CDH13: variants seen among roughly 807,000 people sequenced by gnomAD.
CDH13 encodes the protein cadherin-13.
In CDH13, 24 loss-of-function variants were observed where a neutral mutation model predicts 63.8. The ratio of observed to expected loss-of-function variants is 0.38; its 90% CI spans 0.27 to 0.53. The LOEUF is 0.53. Ranked by LOEUF, CDH13 falls within the 20% of genes least tolerant of loss-of-function variation. The probability of loss-of-function intolerance (pLI) is 0.85; values close to 1 mark genes in which losing one functional copy is unlikely to be tolerated. For missense variants in CDH13, 1,049 were observed against 903.1 expected, an observed-to-expected ratio of 1.16 and a Z score of -2.07; for synonymous variants, 503 against 355.3, an observed-to-expected ratio of 1.42 and a Z score of -4.67.
At chr16:82,679,704 G>A (rs139030018) in intron 1 of CDH13, among the ~76,000 whole-genome samples, 118 of 152,252 alleles carry the variant, frequency 7.8e-4, no homozygotes, top group African/African-American at 2.7e-3. Flanking sequence ...AAATAGGGAC[G>A]TTAATACCAA....
At chr16:83,190,543 A>T (rs2038666249) in intron 4 of CDH13, among the ~76,000 whole-genome samples, 2 of 152,152 alleles carry the variant, frequency 1.3e-5, no homozygotes, top group African/African-American at 4.8e-5. Flanking sequence ...GGTACATATG[A>T]TGGCAAAATG....
At chr16:82,834,294 C>G (rs567648528) in intron 1 of CDH13, among the ~76,000 whole-genome samples, 1 of 152,128 alleles carries the variant, frequency 6.6e-6, no homozygotes, top group East Asian at 1.9e-4. Context: ...AATTCTTGGT[C>G]ATTTGTACTG....
chr16:83,404,340 C>G (rs936049407), intron 6 of CDH13, among the ~76,000 whole-genome samples: 1 of 152,210 alleles, frequency 6.6e-6, no homozygotes. Flanking sequence ...TCTGCCTGAC[C>G]TTGTTTCTTC....
rs531907188 is a variant in CDH13 at position 83,146,833 on chromosome 16, A to T, written c.483+21332A>T. Among the ~76,000 whole-genome samples, 29 of 152,346 alleles carry T rather than the reference A, an allele frequency of 1.9e-4. No individual in the cohort carries two copies. In the South Asian group the frequency reaches 5.6e-3, roughly 29 times the overall value. ...CCAAGCATGGTGGCTCACGCCTGTA[A>T]TTCCAGCAGTTTGGAAGGCCAAGGC... On this transcript the variant is annotated intron_variant, in intron 4 of 13. Transcript: ENST00000567109.
intron 2 of CDH13, among the ~76,000 whole-genome samples, chr16:82,890,511 C>G (rs775312537): frequency 2.9e-4 from 44 of 152,176 alleles, no homozygotes; most frequent in African/African-American, 1.0e-3. Flanking sequence ...ATGGAGTCAT[C>G]AACAGATGAA....
At chr16:83,276,260 G>C (rs1019679629) in intron 5 of CDH13, among the ~76,000 whole-genome samples, 1 of 151,928 alleles carries the variant, frequency 6.6e-6, no homozygotes, top group African/African-American at 2.4e-5. Flanking sequence ...TTTGGTCCTA[G>C]CCCTATCCAT....
chr16:82,908,699 C>T (rs1015688242), intron 2 of CDH13, among the ~76,000 whole-genome samples: 9 of 152,162 alleles, frequency 5.9e-5, no homozygotes, highest in Admixed American at 5.9e-4. Flanking sequence ...AATCACCCCT[C>T]GGTATCTGTG....
At chr16:83,008,432 G>C (rs1022660785) in intron 2 of CDH13, among the ~76,000 whole-genome samples, 12 of 152,210 alleles carry the variant, frequency 7.9e-5, no homozygotes, top group Admixed American at 5.2e-4. Context: ...GGCGGAGAAT[G>C]CCTGGGGGAT....
At chr16:82,934,588 C>A (rs1383801556) in intron 2 of CDH13, among the ~76,000 whole-genome samples, 1 of 152,106 alleles carries the variant, frequency 6.6e-6, no homozygotes, top group Admixed American at 6.5e-5. Flanking sequence ...ATGGGTTTTT[C>A]TTTTCTATTG....
chr16:83,700,181 G>C (rs556534681), intron 10 of CDH13, among the ~76,000 whole-genome samples: 2 of 152,142 alleles, frequency 1.3e-5, no homozygotes, highest in Non-Finnish European at 2.9e-5. Flanking sequence ...GAATCATAAA[G>C]TATGCCCTCT....
intron 4 of CDH13, among the ~76,000 whole-genome samples, chr16:83,143,882 T>A (rs1348395456): frequency 6.6e-6 from 1 of 152,030 alleles, no homozygotes; most frequent in Non-Finnish European, 1.5e-5. Flanking sequence ...GAAGTTGATG[T>A]CGGCTGGGAA....
intron 5 of CDH13, among the ~76,000 whole-genome samples, chr16:83,245,367 A>G (rs562059628): frequency 1.3e-5 from 2 of 152,342 alleles, no homozygotes; most frequent in East Asian, 3.9e-4. Context: ...AGGACAGTTT[A>G]AAAATTTATG....
intron 5 of CDH13, among the ~76,000 whole-genome samples, chr16:83,279,772 CT>C (rs1283939519): frequency 6.6e-6 from 1 of 151,828 alleles, no homozygotes; most frequent in Non-Finnish European, 1.5e-5. Flanking sequence ...ATAGGCGTAG[CT>C]CAGAGATATC....
chr16:82,832,015 C>T (rs935196750), intron 1 of CDH13, among the ~76,000 whole-genome samples: 13 of 152,142 alleles, frequency 8.5e-5, no homozygotes, highest in African/African-American at 2.7e-4. Context: ...AGCAAAGTCC[C>T]GCATATGATA....
intron 6 of CDH13, among the ~76,000 whole-genome samples, chr16:83,370,218 T>C (rs2091339024): frequency 6.6e-6 from 1 of 152,066 alleles, no homozygotes; most frequent in African/African-American, 2.4e-5. Context: ...AAACCCCATC[T>C]CTACTAAAAA....
At chr16:83,139,632 C>CT (rs67365554) in intron 4 of CDH13, among the ~76,000 whole-genome samples, 3 of 151,976 alleles carry the variant, frequency 2.0e-5, no homozygotes, top group Admixed American at 1.3e-4. Flanking sequence ...TTGCAAATCA[C>CT]TTTTTTTTCT....
chr16:83,208,793 A>G (rs2039253385), intron 4 of CDH13, among the ~76,000 whole-genome samples: 1 of 152,102 alleles, frequency 6.6e-6, no homozygotes, highest in Non-Finnish European at 1.5e-5. Flanking sequence ...GTGTCCCTTG[A>G]TTTTCTACAT....
chr16:83,341,008 A>C (rs73597908), intron 5 of CDH13, among the ~76,000 whole-genome samples: 1 of 152,226 alleles, frequency 6.6e-6, no homozygotes, highest in African/African-American at 2.4e-5. Context: ...ATTTCCTTTG[A>C]GCAAGTATTT....
At chr16:83,029,397 G>T (rs1229934895) in intron 2 of CDH13, among the ~76,000 whole-genome samples, 1 of 152,084 alleles carries the variant, frequency 6.6e-6, no homozygotes, top group Non-Finnish European at 1.5e-5. Flanking sequence ...CCCCAAAGTG[G>T]AAATAGTCCA....
Sources: gnomAD v4.1 joint callset for allele counts (sites outside exome capture counted in the v4.1 genomes callset) on GRCh38, gnomAD v4.1.1 for gene constraint, MANE v1.5 for transcripts, NCBI Gene and HGNC (gene_info 2026-07-23, HGNC 2026-07-21) for gene names.